SSH2: variants seen among roughly 807,000 people sequenced by gnomAD.
SSH2 encodes the protein slingshot protein phosphatase 2.
Under a neutral mutation model 135.2 loss-of-function variants are expected in SSH2, and 37 were observed. The observed-to-expected ratio is 0.27, with a 90% confidence interval of 0.21 to 0.36. The LOEUF is 0.36. Ranked by LOEUF, SSH2 falls within the 10% of genes least tolerant of loss-of-function variation. SSH2 has a pLI of 1.00. For missense variants in SSH2, 1,408 were observed against 1,765.3 expected, an observed-to-expected ratio of 0.80 and a Z score of 3.63; for synonymous variants, 628 against 646.2, an observed-to-expected ratio of 0.97 and a Z score of 0.43.
At position 29,702,969 on chromosome 17, in the gene SSH2, G is replaced by C. The variant is rs1294324012; in HGVS notation, c.282C>G (p.Asn94Lys). The C allele has an allele frequency of 1.2e-6, 2 of 1,612,946 alleles. No homozygotes were observed. Among genetic ancestry groups the C allele is most frequent in the Non-Finnish European group, 1.7e-6 (2 of 1,178,976 alleles). The change falls in exon 4 of 16, where the codon AAC becomes AAG. Residue 94 changes from asparagine (N) to lysine (K), a missense_variant. Coordinates refer to ENST00000540801, the MANE Select transcript of SSH2 (RefSeq NM_001282129.2). ...ATATGCAAGCATTACCTGCATGCTT[G>C]TTCCGTCTGTGGCTGATTCTTGGTG... Reference protein sequence around the residue: ...SSTPRISHRRNKHAGDLQQHL... With the variant: ...SSTPRISHRRKKHAGDLQQHL...
intron 3 of SSH2, chr17:29,761,571 G>T: frequency 3.1e-6 from 1 of 321,094 alleles, no homozygotes; most frequent in Non-Finnish European, 4.5e-6. Context: ...GCGCGTCACA[G>T]CCTTTAGGGC....
chr17:29,684,393 C>A (rs909750032), intron 6 of SSH2, among the ~76,000 whole-genome samples, 170 bp downstream of exon 6: 2 of 150,870 alleles, frequency 1.3e-5, no homozygotes, highest in South Asian at 4.3e-4. Flanking sequence ...AGGAGAATCG[C>A]TTGAACCCGG....
intron 1 of SSH2, among the ~76,000 whole-genome samples, chr17:29,850,616 C>T (rs1485724170): frequency 1.3e-5 from 2 of 152,188 alleles, no homozygotes; most frequent in Admixed American, 1.3e-4. Flanking sequence ...AGTTTTCTGT[C>T]TTAAAACCAA....
intron 3 of SSH2, among the ~76,000 whole-genome samples, chr17:29,757,527 AC>A (rs1424349314): frequency 6.6e-6 from 1 of 152,082 alleles, no homozygotes; most frequent in Non-Finnish European, 1.5e-5. Flanking sequence ...TGCTAAATAA[AC>A]ATGACCTCTA....
intron 11 of SSH2, among the ~76,000 whole-genome samples, chr17:29,658,269 T>G (rs759248407): frequency 4.6e-5 from 7 of 152,098 alleles, no homozygotes; most frequent in Non-Finnish European, 8.8e-5. Context: ...CCCAAAGTGC[T>G]GGGATTACAG....
intron 3 of SSH2, among the ~76,000 whole-genome samples, chr17:29,792,875 C>T (rs181040269): frequency 1.8e-4 from 27 of 152,244 alleles, no homozygotes; most frequent in Non-Finnish European, 1.3e-4. Flanking sequence ...AGGGTTTCAC[C>T]GTGTTAGCCA....
chr17:29,912,083 G>A (rs1448699226), intron 1 of SSH2, among the ~76,000 whole-genome samples: 2 of 152,184 alleles, frequency 1.3e-5, no homozygotes, highest in African/African-American at 2.4e-5. Flanking sequence ...CTGGGAATGA[G>A]CAGTTGGTTT....
chr17:29,727,360 A>G (rs1281052424), intron 3 of SSH2, among the ~76,000 whole-genome samples: 2 of 152,228 alleles, frequency 1.3e-5, no homozygotes, highest in East Asian at 3.8e-4. Flanking sequence ...TTAGTGAAAA[A>G]CTGGCAAGCA....
rs866341499 is a variant in SSH2, at chr17:29,684,264, T to G, written c.479+299A>C. 1.2e-4 allele frequency among the ~76,000 whole-genome samples: 18 copies of G among 152,212 alleles called. No individual in the cohort carries two copies. In the South Asian group the frequency reaches 3.3e-3, roughly 28 times the overall value. On this transcript the variant is annotated intron_variant, in intron 6 of 15. Transcript: ENST00000540801. ...TGGGAGGCTGAGGTGGGTGGATCAC[T>G]TGAGGTCAGGAGTTTGAAACTGGCC...
chr17:29,663,975 C>G (rs1455322730), intron 11 of SSH2, among the ~76,000 whole-genome samples: 2 of 152,146 alleles, frequency 1.3e-5, no homozygotes, highest in Non-Finnish European at 2.9e-5. Flanking sequence ...ATCTCTATAC[C>G]TTTTGCTCAA....
rs11654523 is a variant in SSH2 at position 29,630,527 on chromosome 17, T to G, written c.*314A>C. The G allele has an allele frequency of 5.4e-6, 1 of 185,094 alleles. No homozygotes were observed. The highest frequency in any genetic ancestry group is 1.4e-4 in the East Asian group (1 of 7,204). 11.5% of individuals were successfully genotyped at this position (185,094 alleles called of 1,614,324 possible). On this transcript the variant is annotated 3_prime_UTR_variant, in exon 16 of 16. Transcript: ENST00000540801. ...CCATGCCTTTTCTCAGAGGGCAAAA[T>G]GAGAAGCAGGTGGCAGCTGACTGAA...
At chr17:29,753,544 C>G (rs112273358) in intron 3 of SSH2, among the ~76,000 whole-genome samples, 9,310 of 151,832 alleles carry the variant, frequency 0.061, 558 homozygotes, top group African/African-American at 0.16. Context: ...CGTCTGTACT[C>G]CCAGCACTTT....
intron 1 of SSH2, among the ~76,000 whole-genome samples, chr17:29,920,756 C>T (rs1250766211): frequency 6.6e-6 from 1 of 152,004 alleles, no homozygotes; most frequent in Non-Finnish European, 1.5e-5. Flanking sequence ...TAGAATATTT[C>T]TATCCTTATT....
intron 2 of SSH2, among the ~76,000 whole-genome samples, chr17:29,799,422 TA>T (rs1458094916): frequency 2.6e-5 from 4 of 152,218 alleles, no homozygotes; most frequent in African/African-American, 9.6e-5. Context: ...TTAGTTGATC[TA>T]AATTCTAGCC....
intron 3 of SSH2, among the ~76,000 whole-genome samples, chr17:29,704,184 T>C (rs1034328308): frequency 4.6e-5 from 7 of 152,322 alleles, no homozygotes; most frequent in African/African-American, 1.7e-4. Flanking sequence ...TGAAGTATGT[T>C]ACAATATTTA....
intron 2 of SSH2, among the ~76,000 whole-genome samples, chr17:29,819,916 TA>T (rs1255497390): frequency 6.6e-6 from 1 of 152,230 alleles, no homozygotes; most frequent in Non-Finnish European, 1.5e-5. Context: ...GTTGAGTTCA[TA>T]AATACTTCTT....
chr17:29,796,722 G>A (rs975205522), intron 2 of SSH2, among the ~76,000 whole-genome samples: 3 of 151,540 alleles, frequency 2.0e-5, no homozygotes, highest in Non-Finnish European at 2.9e-5. Context: ...GATGCATTTC[G>A]ATTTAAGTTA....
chr17:29,761,185 G>A (rs1051799569), intron 3 of SSH2: 6 of 1,289,720 alleles, frequency 4.7e-6, no homozygotes, highest in Non-Finnish European at 6.1e-6. Context: ...TGACCGCGTT[G>A]GCGGAGAAGT....
At chr17:29,703,152 T>C (rs2039056703) in intron 3 of SSH2, 90 bp from the exon 4 acceptor site, 2 of 879,522 alleles carry the variant, frequency 2.3e-6, no homozygotes, top group African/African-American at 3.3e-5. Flanking sequence ...CTCTCTTCTC[T>C]ATTCCAAAGT....
Sources: allele counts gnomAD v4.1 joint callset (sites outside exome capture counted in the v4.1 genomes callset), GRCh38; gene constraint gnomAD v4.1.1; transcripts MANE v1.5; gene names NCBI Gene and HGNC (gene_info 2026-07-23, HGNC 2026-07-21).